FIBCD1: variants seen among roughly 807,000 people sequenced by gnomAD.
The protein encoded by FIBCD1 is fibrinogen C domain containing 1.
FIBCD1 carries 47 observed loss-of-function variants against 45.1 expected under a neutral mutation model. The observed-to-expected ratio is 1.04, with a 90% CI of 0.82 to 1.33. The LOEUF (loss-of-function observed/expected upper bound fraction) is 1.33, where lower values mean the gene tolerates loss of function less well. Among genes scored for constraint, FIBCD1 ranks in the 40% most tolerant of loss-of-function variants. The pLI is 0.00. For synonymous variants in FIBCD1, 313 were observed against 308.1 expected, an observed-to-expected ratio of 1.02 and a Z score of -0.17; for missense variants, 653 against 682.2, an observed-to-expected ratio of 0.96 and a Z score of 0.48.
At chr9:130,931,779 C>T (rs374041944) in intron 1 of FIBCD1, among the ~76,000 whole-genome samples, 1 of 152,250 alleles carries the variant, frequency 6.6e-6, no homozygotes, top group African/African-American at 2.4e-5. Context: ...TGGGATTAGG[C>T]CCCGAGCCTC....
chr9:130,914,741 C>T (rs1044556006), intron 4 of FIBCD1, among the ~76,000 whole-genome samples: 14 of 152,304 alleles, frequency 9.2e-5, no homozygotes, highest in Admixed American at 5.9e-4. Context: ...ACCACTGGGA[C>T]GCCTGGAACC....
rs1386100594 is a variant in FIBCD1, at chr9:130,929,944, C to T, written c.175G>A (p.Ala59Thr). 13 of 1,549,032 alleles carry T rather than the reference C, an allele frequency of 8.4e-6. No individual in the cohort carries two copies. The highest frequency in any genetic ancestry group is 1.4e-5 in the African/African-American group (1 of 73,186). Reference protein sequence around the residue: ...GAVLFLNHAHAPGTAPPPVVS... With the variant: ...GAVLFLNHAHTPGTAPPPVVS... The stretch of plus-strand genomic sequence containing the variant: ...ACAGGTGGGGGCGCCGTGCCCGGCG[C>T]GTGGGCGTGGTTCAGGAAGAGCACG... The change falls in exon 2 of 7, where the codon GCG (alanine) becomes ACG (threonine). Residue 59 changes from alanine (A) to threonine (T), a missense_variant. Coordinates refer to ENST00000372338, the MANE Select transcript of FIBCD1 (RefSeq NM_032843.5).
chr9:130,923,129 C>T (rs1832290123), intron 4 of FIBCD1, among the ~76,000 whole-genome samples: 2 of 152,220 alleles, frequency 1.3e-5, no homozygotes, highest in Non-Finnish European at 2.9e-5. Flanking sequence ...CTTAAAGAGC[C>T]AGTCCTCCTG....
intron 5 of FIBCD1, among the ~76,000 whole-genome samples, chr9:130,908,451 C>A (rs1354445032): frequency 6.6e-6 from 1 of 152,228 alleles, no homozygotes; most frequent in East Asian, 1.9e-4. Flanking sequence ...TTGTCCTTAT[C>A]TTTACCCCCA....
At chr9:130,923,651 G>A in intron 4 of FIBCD1, 93 bp downstream of exon 4, 2 of 1,521,622 alleles carry the variant, frequency 1.3e-6, no homozygotes, top group South Asian at 2.4e-5. Flanking sequence ...GTGGAGGGCT[G>A]GGTAGGAAGC....
intron 2 of FIBCD1, among the ~76,000 whole-genome samples, chr9:130,928,635 T>C (rs1832395094): frequency 6.6e-6 from 1 of 151,912 alleles, no homozygotes; most frequent in African/African-American, 2.4e-5. Context: ...AATGCCTGGA[T>C]CTCTCAGTGG....
At chr9:130,904,453 TCA>T (rs773251932) in intron 6 of FIBCD1, 130 bp from the exon 7 acceptor site, 9 of 1,332,710 alleles carry the variant, frequency 6.8e-6, no homozygotes, top group Non-Finnish European at 9.1e-6. Context: ...GCACGTGCTC[TCA>T]CACATACTGC....
At chr9:130,924,668 C>T (rs1470313462) in intron 2 of FIBCD1, among the ~76,000 whole-genome samples, 1 of 152,186 alleles carries the variant, frequency 6.6e-6, no homozygotes, top group African/African-American at 2.4e-5. Flanking sequence ...GCACCTGCCA[C>T]CCCTGCTGCC....
chr9:130,924,268 G>T lies in FIBCD1; in HGVS notation c.681C>A (p.Ala227=), dbSNP rs1832317887. The stretch of plus-strand genomic sequence containing the variant: ...CACAGCCCCGGGGCCGGGTTCCCCG[G>T]GCAGGCGCTCTCTGAAGGTCGGCCT... ...RNKADLQRAP[A]RGTRPRGCAT... is the part of the protein sequence containing the mutation. The change falls in exon 3 of 7, where the codon GCC becomes GCA. Residue 227 remains alanine (A), a synonymous_variant. Coordinates refer to ENST00000372338, the MANE Select transcript of FIBCD1 (RefSeq NM_032843.5). The T allele has an allele frequency of 6.2e-7, 1 of 1,600,778 alleles. No individual in the cohort carries two copies. Among genetic ancestry groups the T allele is most frequent in the Non-Finnish European group, 8.5e-7 (1 of 1,175,370 alleles).
At chr9:130,925,375 TAGG>T (rs932040057) in intron 2 of FIBCD1, among the ~76,000 whole-genome samples, 12 of 152,092 alleles carry the variant, frequency 7.9e-5, no homozygotes, top group African/African-American at 2.7e-4. Context: ...TGTTCTTGTG[TAGG>T]AGACCAGGGT....
chr9:130,917,743 G>C (rs1015514569), intron 4 of FIBCD1, among the ~76,000 whole-genome samples: 1 of 152,188 alleles, frequency 6.6e-6, no homozygotes, highest in South Asian at 2.1e-4. Flanking sequence ...GGATGACCAC[G>C]GCCTTCCCCG....
chr9:130,905,453 G>A (rs376571211), intron 5 of FIBCD1, 40 bp from the exon 6 acceptor site: 925 of 1,575,068 alleles, frequency 5.9e-4, no homozygotes, highest in Non-Finnish European at 7.4e-4. Context: ...GCTGAGGGGC[G>A]TAGGAAGCGA....
chr9:130,940,236 G>A (rs762505921), upstream of FIBCD1, among the ~76,000 whole-genome samples: 18 of 152,252 alleles, frequency 1.2e-4, no homozygotes, highest in Non-Finnish European at 2.1e-4. Flanking sequence ...ACCCCGGAGC[G>A]GGGGACCCTG....
At chr9:130,906,587 G>A (rs1831932594) in intron 5 of FIBCD1, among the ~76,000 whole-genome samples, 1 of 152,190 alleles carries the variant, frequency 6.6e-6, no homozygotes, top group Admixed American at 6.5e-5. Context: ...GTCTCACCCA[G>A]GGTCCCCACC....
chr9:130,938,548 G>A lies in FIBCD1; in HGVS notation c.60C>T (p.Arg20=), dbSNP rs1210827115. Residue 20 remains arginine, a synonymous_variant, in exon 1 of 7, where the codon CGC becomes CGT. Transcript: ENST00000372338. ...GGAAQLEDRP[R]DKPQRPSCGY... is the part of the protein sequence containing the mutation. ...CGCCCGAGCGTACCTGCGGCTTGTC[G>A]CGCGGCCGGTCCTCAAGTTGGGCAG... is the stretch of plus-strand genomic sequence containing the variant. 5 of 1,490,036 alleles carry A rather than the reference G, an allele frequency of 3.4e-6. No individual in the cohort carries two copies. The highest frequency in any genetic ancestry group is 2.9e-5 in the East Asian group (1 of 34,890). 92.3% of individuals were successfully genotyped at this position (1,490,036 alleles called of 1,614,324 possible).
chr9:130,933,898 G>C (rs1832479630), intron 1 of FIBCD1: 1 of 152,594 alleles, frequency 6.6e-6, no homozygotes, highest in Non-Finnish European at 1.5e-5. Context: ...CCCTCCGGGG[G>C]AGGCCAGGCC....
intron 4 of FIBCD1, among the ~76,000 whole-genome samples, chr9:130,917,355 G>A (rs1332920622): frequency 6.6e-6 from 1 of 152,250 alleles, no homozygotes; most frequent in Non-Finnish European, 1.5e-5. Context: ...CCTTGGAAGT[G>A]CCGCTTAGAG....
intron 4 of FIBCD1, among the ~76,000 whole-genome samples, chr9:130,919,678 T>C (rs984752664): frequency 2.0e-5 from 3 of 152,206 alleles, no homozygotes; most frequent in Non-Finnish European, 4.4e-5. Flanking sequence ...AGATGTGAAC[T>C]GGCTGACCTC....
rs548498754 is a variant in FIBCD1, at chr9:130,903,118, G to C, written c.*946C>G. ...CCCTCCTGGGAGGCCTCAGGACCCT[G>C]GAGTCCCTGGGAAATTGGTGGTGGG... On this transcript the variant is annotated 3_prime_UTR_variant, in exon 7 of 7. Transcript: ENST00000372338. 6.6e-6 allele frequency: 1 copy of C among 152,574 alleles called. No individual in the cohort carries two copies. The highest frequency in any genetic ancestry group is 2.1e-4 in the South Asian group (1 of 4,840). The allele number at this position is 152,574 out of a possible 1,614,324, so 9.5% of individuals were successfully genotyped here.
Sources: allele counts gnomAD v4.1 joint callset (sites outside exome capture counted in the v4.1 genomes callset), GRCh38; gene constraint gnomAD v4.1.1; transcripts MANE v1.5; gene names NCBI Gene and HGNC (gene_info 2026-07-23, HGNC 2026-07-21).